PCDHGB3: variants seen among roughly 807,000 people sequenced by gnomAD.
The protein encoded by PCDHGB3 is protocadherin gamma-B3.
A neutral mutation model predicts 59.2 loss-of-function variants in PCDHGB3; 40 were observed. The observed-to-expected ratio is 0.68, with a 90% CI of 0.52 to 0.88. The LOEUF is 0.88. PCDHGB3 is among the 40% of genes least tolerant of loss of function. The pLI is 0.00. For synonymous variants in PCDHGB3, 581 were observed against 503.6 expected, an observed-to-expected ratio of 1.15 and a Z score of -2.06; for missense variants, 1,309 against 1,187.9, an observed-to-expected ratio of 1.10 and a Z score of -1.50.
intron 1 of PCDHGB3, chr5:141,426,908 G>C (rs1047101179): frequency 8.8e-6 from 4 of 456,612 alleles, no homozygotes; most frequent in African/African-American, 6.0e-5. Context: ...CTCATCTCCT[G>C]GTCCTGGAAG....
intron 1 of PCDHGB3, among the ~76,000 whole-genome samples, chr5:141,462,493 A>G (rs1432919197): frequency 2.0e-5 from 3 of 152,144 alleles, no homozygotes; most frequent in South Asian, 4.1e-4. Context: ...GTTGTATCCT[A>G]TAATTGTCAA....
chr5:141,412,131 G>A (rs2095537626), intron 1 of PCDHGB3: 1 of 152,156 alleles, frequency 6.6e-6, no homozygotes, highest in Non-Finnish European at 1.5e-5. Flanking sequence ...CTGGACTTTG[G>A]CCTCTGATAC....
chr5:141,497,626 G>T (rs1373764805), intron 2 of PCDHGB3, among the ~76,000 whole-genome samples: 3 of 149,502 alleles, frequency 2.0e-5, no homozygotes, highest in Non-Finnish European at 4.4e-5. Flanking sequence ...TGCAACCTCT[G>T]CCTGCCAGGT....
Position 141,477,919 on chromosome 5 carries a change from G to A in PCDHGB3, c.2416-16888G>A. 2.5e-6 allele frequency: 4 copies of A among 1,614,162 alleles called. No individual in the cohort carries two copies. The highest frequency in any genetic ancestry group is 8.5e-7 in the Non-Finnish European group (1 of 1,180,026). The stretch of plus-strand genomic sequence containing the variant: ...TGGTAGGCTGGGACGCGGATGCAGG[G>A]CACAATGCCTGGCTCTCCTACAGTC... On this transcript the variant is annotated intron_variant, in intron 1 of 3. Transcript: ENST00000576222. The surrounding 1 kb of genome is among the most constrained non-coding windows in gnomAD (Gnocchi z 4.9).
chr5:141,392,299 T>C (rs1165805349), intron 1 of PCDHGB3: 1 of 151,994 alleles, frequency 6.6e-6, no homozygotes, highest in African/African-American at 2.4e-5. Flanking sequence ...GAAATGAAAG[T>C]ATCATGTTTT....
chr5:141,416,096 T>C (rs2095991930), intron 1 of PCDHGB3: 1 of 161,152 alleles, frequency 6.2e-6, no homozygotes, highest in South Asian at 2.0e-4. Flanking sequence ...AGAAGGGCAA[T>C]AGGCCTTTTT....
chr5:141,456,353 G>A (rs1041991824), intron 1 of PCDHGB3, among the ~76,000 whole-genome samples: 2 of 152,120 alleles, frequency 1.3e-5, no homozygotes, highest in South Asian at 2.1e-4. Context: ...GAAGAATGGC[G>A]TCCATGTGTG....
At chr5:141,447,136 TTTTTTG>T (rs1304915683) in intron 1 of PCDHGB3, among the ~76,000 whole-genome samples, 4 of 152,090 alleles carry the variant, frequency 2.6e-5, no homozygotes, top group Admixed American at 6.6e-5. Context: ...TGTTTGTTTG[TTTTTTG>T]TTTTTGTTTT....
chr5:141,401,010 G>A (rs62378449), intron 1 of PCDHGB3, among the ~76,000 whole-genome samples: 17,448 of 152,052 alleles, frequency 0.11, 1,158 homozygotes, highest in African/African-American at 0.18. Context: ...CCTACCTAAT[G>A]GATTTATGAT....
intron 2 of PCDHGB3, among the ~76,000 whole-genome samples, chr5:141,504,799 C>A (rs1474096570): frequency 6.6e-6 from 1 of 151,994 alleles, no homozygotes; most frequent in African/African-American, 2.4e-5. Context: ...CCTACATCTC[C>A]CCCTAGGTAC....
intron 2 of PCDHGB3, among the ~76,000 whole-genome samples, chr5:141,500,812 T>C: frequency 6.6e-6 from 1 of 152,322 alleles, no homozygotes; most frequent in South Asian, 2.1e-4. Flanking sequence ...CATATGAATA[T>C]ACATATTATT....
chr5:141,476,190 C>T lies in PCDHGB3; in HGVS notation c.2416-18617C>T. On this transcript the variant is annotated intron_variant, in intron 1 of 3. Transcript: ENST00000576222. The surrounding 1 kb of genome is among the most constrained non-coding windows in gnomAD (Gnocchi z 7.6). ...GTGGGAGTTTTGCTTCTGCTTGGTG[C>T]CTTGAACAAGGCTTCCACGGTCATT... is the stretch of plus-strand genomic sequence containing the variant. 3.1e-6 allele frequency: 5 copies of T among 1,613,694 alleles called. No individual in the cohort carries two copies. The highest frequency in any genetic ancestry group is 4.2e-6 in the Non-Finnish European group (5 of 1,179,988).
chr5:141,401,250 GA>G (rs1387561920), intron 1 of PCDHGB3, among the ~76,000 whole-genome samples: 4 of 152,148 alleles, frequency 2.6e-5, no homozygotes, highest in African/African-American at 9.7e-5. Flanking sequence ...GCTAAGACAG[GA>G]GAATTGCTTG....
chr5:141,393,522 G>C, intron 1 of PCDHGB3: 2 of 1,614,030 alleles, frequency 1.2e-6, no homozygotes, highest in South Asian at 2.2e-5. Flanking sequence ...GGATACAAAT[G>C]ACAATGCCCC....
Position 141,418,795 on chromosome 5 carries a change from A to G in PCDHGB3, c.2415+45986A>G, listed in dbSNP as rs373690093. The G allele has an allele frequency of 6.8e-6, 11 of 1,613,740 alleles. No homozygotes were observed. The African/African-American group carries it at 1.5e-4, about 22-fold the overall frequency. On this transcript the variant is annotated intron_variant, in intron 1 of 3. Transcript: ENST00000576222. Reference sequence around the variant, plus strand: ...AGCAGCCTTTGGATTTTGAAGAAGTAGAAAGATATACGATAAACATAGAAG... The same window carrying G: ...AGCAGCCTTTGGATTTTGAAGAAGTGGAAAGATATACGATAAACATAGAAG...
chr5:141,505,338 G>T, intron 2 of PCDHGB3, 55 bp from the exon 3 acceptor site: 1 of 1,612,254 alleles, frequency 6.2e-7, no homozygotes, highest in South Asian at 1.1e-5. Flanking sequence ...GGACAGGAGG[G>T]GCATGAGCTG....
chr5:141,491,938 C>A lies in PCDHGB3; in HGVS notation c.2416-2869C>A, dbSNP rs1207647899. Reference sequence around the variant, plus strand: ...TGTGGGCGAGGGGAGGTGGGACCGACCCCCACCCCTACACTCAAAAAAGGC... The same window carrying A: ...TGTGGGCGAGGGGAGGTGGGACCGAACCCCACCCCTACACTCAAAAAAGGC... On this transcript the variant is annotated intron_variant, in intron 1 of 3. Transcript: ENST00000576222. This position sits in a 1 kb window ranked among gnomAD's most constrained non-coding sequence, Gnocchi z 6.9. 1.7e-6 allele frequency: 2 copies of A among 1,199,072 alleles called. No homozygotes were observed. The highest frequency in any genetic ancestry group is 3.1e-5 in the Admixed American group (1 of 32,246). The allele number at this position is 1,199,072 out of a possible 1,614,324, so 74.3% of individuals were successfully genotyped here. A position where few individuals can be genotyped will look rare whatever the true frequency, so the allele number is the denominator to read the frequency against.
chr5:141,417,721 C>A, intron 1 of PCDHGB3: 2 of 1,330,572 alleles, frequency 1.5e-6, no homozygotes, highest in Non-Finnish European at 2.0e-6. Context: ...CCCGGCTGCG[C>A]AGACCTTGCC....
Position 141,486,672 on chromosome 5 carries a change from G to A in PCDHGB3, c.2416-8135G>A. The A allele has an allele frequency of 5.0e-6, 8 of 1,614,000 alleles. No homozygotes were observed. Among genetic ancestry groups the A allele is most frequent in the Non-Finnish European group, 5.9e-6 (7 of 1,180,028 alleles). On this transcript the variant is annotated intron_variant, in intron 1 of 3. Coordinates refer to ENST00000576222, the MANE Select transcript of PCDHGB3 (RefSeq NM_018924.5). This position sits in a 1 kb window ranked among gnomAD's most constrained non-coding sequence, Gnocchi z 5.0. Reference sequence around the variant, plus strand: ...TACTCACTCCTGGAGCCCAGGAATCGAGATGTATCAGCTTCCTCTTTCATC... The same window carrying A: ...TACTCACTCCTGGAGCCCAGGAATCAAGATGTATCAGCTTCCTCTTTCATC...
Sources: gnomAD v4.1 joint callset for allele counts (sites outside exome capture counted in the v4.1 genomes callset) on GRCh38, gnomAD v4.1.1 for gene constraint, Gnocchi (gnomAD v3.1) non-coding constraint, MANE v1.5 for transcripts, NCBI Gene and HGNC (gene_info 2026-07-23, HGNC 2026-07-21) for gene names.